The following SLIT1 variants were observed in gnomAD, a reference collection of about 807,000 sequenced individuals.
SLIT1 encodes the protein slit homolog 1 protein.
Under a neutral mutation model 186.1 loss-of-function variants are expected in SLIT1, and 66 were observed. The observed-to-expected ratio is 0.35, with a 90% confidence interval of 0.29 to 0.44. The LOEUF is 0.44. SLIT1 is among the 20% of genes least tolerant of loss of function. The pLI, the probability that SLIT1 is intolerant of heterozygous loss-of-function variation, is 1.00. For missense variants in SLIT1, 1,638 were observed against 2,037.4 expected (o/e 0.80, Z 3.77); for synonymous variants, 761 against 833.8 (o/e 0.91, Z 1.50).
At chr10:97,121,671 G>A (rs745493685) in intron 4 of SLIT1, among the ~76,000 whole-genome samples, 1 of 152,148 alleles carries the variant, frequency 6.6e-6, no homozygotes, top group Non-Finnish European at 1.5e-5. Context: ...GATTCTGCAA[G>A]CCCACCCCTT....
chr10:97,136,077 G>C (rs2817711), intron 4 of SLIT1, among the ~76,000 whole-genome samples: 81,077 of 151,974 alleles, frequency 0.53, 23,492 homozygotes, highest in South Asian at 0.7. Context: ...GATAAATAAA[G>C]AATGGCAACA....
chr10:97,149,635 C>G (rs953529685), intron 4 of SLIT1, among the ~76,000 whole-genome samples: 1 of 152,020 alleles, frequency 6.6e-6, no homozygotes, highest in African/African-American at 2.4e-5. Flanking sequence ...GAGTGTGACC[C>G]TGGGAATCTG....
chr10:97,151,224 T>C (rs1299957158), intron 4 of SLIT1, among the ~76,000 whole-genome samples: 1 of 151,990 alleles, frequency 6.6e-6, no homozygotes, highest in African/African-American at 2.4e-5. Flanking sequence ...TCAGGAACTA[T>C]TGGATCAGTG....
At chr10:97,051,594 G>A (rs1848787339) in intron 13 of SLIT1, among the ~76,000 whole-genome samples, 2 of 152,116 alleles carry the variant, frequency 1.3e-5, no homozygotes, top group African/African-American at 2.4e-5. Context: ...GGTGGATCAC[G>A]AGGTCAGGAG....
intron 1 of SLIT1, among the ~76,000 whole-genome samples, chr10:97,178,108 G>A (rs1028142626): frequency 6.6e-6 from 1 of 152,154 alleles, no homozygotes; most frequent in African/African-American, 2.4e-5. Context: ...TAAAACTCGG[G>A]GGATGAAAGC....
At chr10:97,093,738 A>T (rs1849257515) in intron 4 of SLIT1, among the ~76,000 whole-genome samples, 1 of 152,210 alleles carries the variant, frequency 6.6e-6, no homozygotes, top group East Asian at 1.9e-4. Flanking sequence ...GCCAAACCCA[A>T]TTCCAGCGGG....
rs189007110 is a variant in SLIT1, at chr10:97,047,647, C to T, written c.1634+43G>A. Reference sequence around the variant, plus strand: ...GGAGTAGGCCAAGGAGGGTTAGTGGCAGTTAGGGACAGGGGAGGGCTGGGG... The same window carrying T: ...GGAGTAGGCCAAGGAGGGTTAGTGGTAGTTAGGGACAGGGGAGGGCTGGGG... On this transcript the variant is annotated intron_variant, in intron 16 of 36. Transcript: ENST00000266058. The T allele has an allele frequency of 8.1e-4, 1,283 of 1,577,908 alleles. 11 individuals carry two copies. The African/African-American group carries it at 0.015, about 18-fold the overall frequency.
Position 97,063,509 on chromosome 10 carries a change from T to C in SLIT1, c.739A>G (p.Ser247Gly), listed in dbSNP as rs1848913574. The C allele has an allele frequency of 1.2e-6, 2 of 1,613,210 alleles. No homozygotes were observed. Among genetic ancestry groups the C allele is most frequent in the Non-Finnish European group, 1.7e-6 (2 of 1,179,974 alleles). ...GLFTQCSGPA[S>G]LRGLNVAEVQ... ...TCTGCCACATTGAGGCCACGCAGGCTGGCTGGGCCCGAGCACTGGGTGAAG... is the reference window on the plus strand; with the variant it reads ...TCTGCCACATTGAGGCCACGCAGGCCGGCTGGGCCCGAGCACTGGGTGAAG... Residue 247 changes from serine to glycine, a missense_variant, in exon 8 of 37, where the codon AGC becomes GGC. Ser to Gly is a moderately conservative substitution (Grantham distance 56). Around this residue, in one of 3 missense-constraint regions of SLIT1, gnomAD observed 1,245 missense variants for 1,535.3 expected, o/e 0.81. Transcript: ENST00000266058.
At chr10:97,099,029 C>T (rs776407539) in intron 4 of SLIT1, among the ~76,000 whole-genome samples, 31 of 152,242 alleles carry the variant, frequency 2.0e-4, no homozygotes, top group Non-Finnish European at 8.8e-5. Context: ...ACCAAGGGAG[C>T]GAGCGTGTGT....
Position 97,064,847 on chromosome 10 carries a change from A to G in SLIT1, c.515T>C (p.Ile172Thr), listed in dbSNP as rs748858009. 1.9e-6 allele frequency: 3 copies of G among 1,612,332 alleles called. No homozygotes were observed. The highest frequency in any genetic ancestry group is 1.7e-6 in the Non-Finnish European group (2 of 1,179,298). ...LQLDKNQISC[I>T]EEGAFRALRG... ...CAGAGCACGGAAGGCCCCTTCCTCAATGCAGCTGATCTGGTTCTTGTCCAG... is the reference window on the plus strand; with the variant it reads ...CAGAGCACGGAAGGCCCCTTCCTCAGTGCAGCTGATCTGGTTCTTGTCCAG... The change falls in exon 6 of 37, where the codon ATT becomes ACT. Residue 172 changes from isoleucine (I) to threonine (T), a missense_variant. This residue lies in a region of SLIT1 where 1,245 missense variants were observed against 1,535.3 expected (regional missense o/e 0.81). Coordinates refer to ENST00000266058, the MANE Select transcript of SLIT1 (RefSeq NM_003061.3).
At chr10:97,138,205 C>G (rs1427002404) in intron 4 of SLIT1, among the ~76,000 whole-genome samples, 1 of 152,194 alleles carries the variant, frequency 6.6e-6, no homozygotes, top group South Asian at 2.1e-4. Context: ...GATTGCGGAA[C>G]CAATCTACCA....
chr10:97,143,067 G>A (rs965777725), intron 4 of SLIT1, among the ~76,000 whole-genome samples: 12 of 152,222 alleles, frequency 7.9e-5, no homozygotes, highest in African/African-American at 1.2e-4. Flanking sequence ...ATGGAAAGCA[G>A]TATGACACTT....
At chr10:97,118,844 A>C (rs144926398) in intron 4 of SLIT1, among the ~76,000 whole-genome samples, 49 of 152,362 alleles carry the variant, frequency 3.2e-4, no homozygotes, top group African/African-American at 9.6e-4. Flanking sequence ...GAGACAGTAC[A>C]TATAAAATGT....
chr10:97,098,907 T>C (rs933157797), intron 4 of SLIT1, among the ~76,000 whole-genome samples: 1 of 151,764 alleles, frequency 6.6e-6, no homozygotes, highest in African/African-American at 2.4e-5. Flanking sequence ...AACTCTGGAG[T>C]TGGCCTCACC....
chr10:97,073,810 C>T (rs1380996237), intron 4 of SLIT1, among the ~76,000 whole-genome samples: 1 of 152,172 alleles, frequency 6.6e-6, no homozygotes, highest in Non-Finnish European at 1.5e-5. Flanking sequence ...TCATCTGCAA[C>T]ATGGGGATGG....
intron 4 of SLIT1, among the ~76,000 whole-genome samples, chr10:97,144,927 T>C (rs1453266917): frequency 1.3e-5 from 2 of 151,882 alleles, no homozygotes; most frequent in Non-Finnish European, 2.9e-5. Context: ...GATGAGGAAA[T>C]AGACACAGAG....
rs1180342877 is a variant in SLIT1 at position 97,165,006 on chromosome 10, C to T, written c.198-116G>A. 6 of 753,792 alleles carry T rather than the reference C, an allele frequency of 8.0e-6. No individual in the cohort carries two copies. In the East Asian group the frequency reaches 1.1e-4, roughly 13 times the overall value. The allele number at this position is 753,792 out of a possible 1,614,324, so 46.7% of individuals were successfully genotyped here. On this transcript the variant is annotated intron_variant, in intron 1 of 36. Transcript: ENST00000266058. ...TCAGCCAGTCGTCTCATCAGCGGGG[C>T]TGGGGGCTTCTGTGAGTTGAGTCTG...
chr10:96,998,272 T>TAACA lies in SLIT1; in HGVS notation c.*2836_*2839dup, dbSNP rs1437793431. On this transcript the variant is annotated 3_prime_UTR_variant, in exon 37 of 37. Transcript: ENST00000266058. ...TTGACTTTAACATATAAAAATACTGTAACAAAATGAAATACAAATATATAT... is the reference window on the plus strand; with the variant it reads ...TTGACTTTAACATATAAAAATACTGTAACAAACAAAATGAAATACAAATATATAT... The TAACA allele has an allele frequency of 3.3e-5, 5 of 152,300 alleles. No homozygotes were observed. The East Asian group carries it at 9.6e-4, about 29-fold the overall frequency. The allele number at this position is 152,300 out of a possible 1,614,324, so 9.4% of individuals were successfully genotyped here.
At chr10:97,072,319 T>G (rs1245225851) in intron 4 of SLIT1, among the ~76,000 whole-genome samples, 1 of 152,174 alleles carries the variant, frequency 6.6e-6, no homozygotes, top group Non-Finnish European at 1.5e-5. Context: ...CTACCATGCC[T>G]GGCTAATTTT....
Sources: allele counts gnomAD v4.1 joint callset (sites outside exome capture counted in the v4.1 genomes callset), GRCh38; gene constraint gnomAD v4.1.1; regional missense constraint gnomAD v4.1.1; transcripts MANE v1.5; gene names NCBI Gene and HGNC (gene_info 2026-07-23, HGNC 2026-07-21).